Variants in TNRC6C observed in about 807,000 individuals in gnomAD.
TNRC6C encodes the protein trinucleotide repeat-containing gene 6C protein.
Under a neutral mutation model 153.7 loss-of-function variants are expected in TNRC6C, and 20 were observed. That is an observed-to-expected ratio of 0.13 (90% confidence interval 0.09 to 0.19). The LOEUF is 0.19. Ranked by LOEUF, TNRC6C falls within the 10% of genes least tolerant of loss-of-function variation. TNRC6C has a pLI of 1.00. For missense variants in TNRC6C, 1,987 were observed against 2,172.0 expected, an observed-to-expected ratio of 0.91 and a Z score of 1.69; for synonymous variants, 811 against 841.4, an observed-to-expected ratio of 0.96 and a Z score of 0.63.
chr17:77,991,709 T>C (rs1293417383), intron 1 of TNRC6C, among the ~76,000 whole-genome samples: 3 of 152,216 alleles, frequency 2.0e-5, no homozygotes, highest in Admixed American at 6.5e-5. Context: ...CTAACTGATA[T>C]ATATATAAGA....
intron 1 of TNRC6C, among the ~76,000 whole-genome samples, chr17:77,959,901 G>A (rs766857377): frequency 1.3e-5 from 2 of 152,160 alleles, no homozygotes; most frequent in Non-Finnish European, 2.9e-5. Context: ...CCTTGAGGAC[G>A]AGATTTAATT....
intron 1 of TNRC6C, among the ~76,000 whole-genome samples, chr17:77,967,708 AG>A (rs1181587258): frequency 6.6e-6 from 1 of 152,246 alleles, no homozygotes; most frequent in Admixed American, 6.5e-5. Flanking sequence ...ACAAAATTGT[AG>A]GTATGATAGA....
At chr17:78,027,363 G>A (rs2071961906) in intron 1 of TNRC6C, among the ~76,000 whole-genome samples, 1 of 152,046 alleles carries the variant, frequency 6.6e-6, no homozygotes, top group Non-Finnish European at 1.5e-5. Context: ...ATGATGAGAA[G>A]GAGCTAATTA....
At chr17:77,962,562 G>A (rs1295432924) in intron 1 of TNRC6C, among the ~76,000 whole-genome samples, 1 of 152,184 alleles carries the variant, frequency 6.6e-6, no homozygotes, top group Admixed American at 6.5e-5. Flanking sequence ...ATTTATAGAC[G>A]TCCTTGGAGC....
chr17:78,060,296 C>T (rs2072740549), intron 3 of TNRC6C, among the ~76,000 whole-genome samples: 1 of 151,994 alleles, frequency 6.6e-6, no homozygotes, highest in Non-Finnish European at 1.5e-5. Flanking sequence ...TGCTCTGTTC[C>T]TCCATAAGCA....
chr17:78,071,033 A>C, intron 5 of TNRC6C, 52 bp from the exon 8 acceptor site: 7 of 1,516,712 alleles, frequency 4.6e-6, no homozygotes, highest in Non-Finnish European at 6.3e-6. Flanking sequence ...TCTGGTAGAA[A>C]TGCATTAAAA....
intron 1 of TNRC6C, among the ~76,000 whole-genome samples, chr17:78,016,436 G>C (rs1213880072): frequency 6.6e-6 from 1 of 152,200 alleles, no homozygotes; most frequent in Non-Finnish European, 1.5e-5. Flanking sequence ...TCCTGCACCA[G>C]GTGTGCCTGT....
chr17:78,093,763 G>C (rs764759573), exon 16 of TNRC6C: 2 of 1,613,790 alleles, frequency 1.2e-6, no homozygotes, highest in Non-Finnish European at 1.7e-6. Context: ...CAAGAGTGGA[G>C]GTGAGGGTGC....
chr17:78,083,093 A>G (rs758293972), exon 11 of TNRC6C: 12 of 1,613,870 alleles, frequency 7.4e-6, no homozygotes, highest in African/African-American at 4.0e-5. Flanking sequence ...ATTGGTCTCA[A>G]CCCTGCACTA....
intron 3 of TNRC6C, among the ~76,000 whole-genome samples, chr17:78,051,682 A>G (rs986829478): frequency 6.6e-6 from 1 of 152,180 alleles, no homozygotes; most frequent in African/African-American, 2.4e-5. Context: ...CACTCAGTAG[A>G]ACATCAAGCG....
At chr17:77,959,960 C>G (rs1030047233) in intron 1 of TNRC6C, among the ~76,000 whole-genome samples, 1 of 152,128 alleles carries the variant, frequency 6.6e-6, no homozygotes, top group Non-Finnish European at 1.5e-5. Flanking sequence ...TGGGGGTTCC[C>G]TGCCTGTTAA....
At chr17:78,029,808 GACACACACACAC>G (rs57924935) in intron 1 of TNRC6C, among the ~76,000 whole-genome samples, 5 of 146,258 alleles carry the variant, frequency 3.4e-5, no homozygotes, top group East Asian at 2.0e-4. Context: ...TAAAAACCTA[GACACACACACAC>G]ACACACACAC....
At chr17:78,028,914 T>C (rs2072000901) in intron 1 of TNRC6C, among the ~76,000 whole-genome samples, 1 of 152,222 alleles carries the variant, frequency 6.6e-6, no homozygotes, top group South Asian at 2.1e-4. Context: ...GACTGACTAT[T>C]GAGGCGCCGA....
At chr17:78,098,659 TAGG>T (rs2073533509) in intron 17 of TNRC6C, 122 bp downstream of exon 20, 5 of 1,172,438 alleles carry the variant, frequency 4.3e-6, no homozygotes, top group Non-Finnish European at 5.8e-6. Flanking sequence ...TGGGAGGGCT[TAGG>T]AGGGCACCAG....
chr17:78,037,488 G>A (rs1216402645), intron 2 of TNRC6C, among the ~76,000 whole-genome samples: 1 of 151,930 alleles, frequency 6.6e-6, no homozygotes, highest in African/African-American at 2.4e-5. Flanking sequence ...CTACGGATAG[G>A]GGACTGCAAG....
At chr17:78,064,699 C>A in intron 3 of TNRC6C, 23 bp from the exon 6 acceptor site, 1 of 1,609,010 alleles carries the variant, frequency 6.2e-7, no homozygotes, top group South Asian at 1.1e-5. Flanking sequence ...ATTATTTTCT[C>A]TACCCCTTGG....
At chr17:78,045,427 G>T (rs1207302353) in intron 2 of TNRC6C, among the ~76,000 whole-genome samples, 2 of 97,430 alleles carry the variant, frequency 2.1e-5, no homozygotes, top group Non-Finnish European at 2.3e-5. Flanking sequence ...CCCATTGGTG[G>T]TTATTTTGCT....
intron 13 of TNRC6C, among the ~76,000 whole-genome samples, chr17:78,090,456 G>A (rs752757076): frequency 3.9e-5 from 6 of 152,208 alleles, no homozygotes; most frequent in Non-Finnish European, 8.8e-5. Context: ...ACCGTGTGGC[G>A]TAGTACTTAC....
At chr17:78,087,750 G>A (rs994810626) in intron 13 of TNRC6C, among the ~76,000 whole-genome samples, 4 of 152,016 alleles carry the variant, frequency 2.6e-5, no homozygotes, top group African/African-American at 9.7e-5. Context: ...TTGTATAATC[G>A]ACCAAATCAA....
Sources: gnomAD v4.1 joint callset for allele counts (sites outside exome capture counted in the v4.1 genomes callset) on GRCh38, gnomAD v4.1.1 for gene constraint, MANE v1.5 for transcripts, NCBI Gene and HGNC (gene_info 2026-07-23, HGNC 2026-07-21) for gene names.